The following PTPRQ variants were observed in gnomAD, a reference collection of about 807,000 sequenced individuals.
The protein encoded by PTPRQ is protein tyrosine phosphatase receptor type Q.
Under a neutral mutation model 246.0 loss-of-function variants are expected in PTPRQ, and 199 were observed. The ratio of observed to expected loss-of-function variants is 0.81; its 90% CI spans 0.72 to 0.91. PTPRQ has a LOEUF of 0.91. Among genes scored for constraint, PTPRQ ranks in the 40% least tolerant of loss-of-function variants. The pLI is 0.00. For missense variants in PTPRQ, 2,624 were observed against 2,528.4 expected (o/e 1.04, Z -0.81); for synonymous variants, 869 against 853.2 (o/e 1.02, Z -0.32).
chr12:80,530,446 T>C (rs1181312176), intron 17 of PTPRQ, among the ~76,000 whole-genome samples: 2 of 152,220 alleles, frequency 1.3e-5, no homozygotes, highest in African/African-American at 2.4e-5. Flanking sequence ...TTGTTGAATA[T>C]TGATTTTGTA....
chr12:80,613,920 A>G lies in PTPRQ; in HGVS notation c.5163+84A>G, dbSNP rs7961082. ...CATTTAAAAATATTGCAGTTTGTGT[A>G]CACATGACATTTCCCATATCTTTTT... On this transcript the variant is annotated intron_variant, in intron 29 of 44. Transcript: ENST00000644991. The G allele has an allele frequency of 0.031, 42,670 of 1,361,420 alleles. 2,148 individuals are homozygous for G. Among genetic ancestry groups the G allele is most frequent in the African/African-American group, 0.23 (15,147 of 66,034 alleles). 84.3% of individuals were successfully genotyped at this position (1,361,420 alleles called of 1,614,324 possible).
intron 35 of PTPRQ, among the ~76,000 whole-genome samples, chr12:80,641,875 C>T (rs12320087): frequency 0.085 from 12,960 of 151,784 alleles, 740 homozygotes; most frequent in South Asian, 0.18. Flanking sequence ...CTCTCTCTCT[C>T]TCTCTCTTGC....
chr12:80,581,081 G>A (rs373228561), intron 25 of PTPRQ, among the ~76,000 whole-genome samples: 51 of 152,230 alleles, frequency 3.4e-4, no homozygotes, highest in Non-Finnish European at 2.6e-4. Flanking sequence ...GTTGATCATA[G>A]AGGCATGGGC....
intron 6 of PTPRQ, among the ~76,000 whole-genome samples, chr12:80,465,840 T>C (rs948108776): frequency 3.3e-5 from 5 of 152,182 alleles, no homozygotes; most frequent in African/African-American, 1.2e-4. Flanking sequence ...AAATTAGGAA[T>C]TGGTGGGACG....
intron 10 of PTPRQ, 111 bp downstream of exon 10, chr12:80,493,566 G>A (rs1894518388): frequency 1.5e-6 from 2 of 1,363,840 alleles, no homozygotes; most frequent in African/African-American, 1.5e-5. Flanking sequence ...TCTTTGGGCT[G>A]GAGTCGGATT....
At chr12:80,477,094 G>T (rs2120566543) in intron 8 of PTPRQ, among the ~76,000 whole-genome samples, 1 of 152,250 alleles carries the variant, frequency 6.6e-6, no homozygotes, top group South Asian at 2.1e-4. Context: ...TTTACAACTA[G>T]AACTTGCTTT....
intron 33 of PTPRQ, among the ~76,000 whole-genome samples, chr12:80,627,863 C>T (rs1362972875): frequency 2.6e-5 from 4 of 152,092 alleles, no homozygotes; most frequent in Non-Finnish European, 5.9e-5. Context: ...CCATGCATAA[C>T]AGTGAATCAG....
At chr12:80,494,163 TTC>T (rs1282836840) in intron 10 of PTPRQ, among the ~76,000 whole-genome samples, 1 of 152,026 alleles carries the variant, frequency 6.6e-6, no homozygotes. Flanking sequence ...ATGTTTATAT[TTC>T]ACTTACTGAT....
chr12:80,444,924 A>G (rs953833655), intron 2 of PTPRQ, 75 bp downstream of exon 2: 11 of 1,388,924 alleles, frequency 7.9e-6, no homozygotes, highest in Non-Finnish European at 1.0e-5. Context: ...GGAAATACTT[A>G]TACTGGCAAC....
chr12:80,498,070 G>A (rs1350004446), intron 14 of PTPRQ, among the ~76,000 whole-genome samples: 1 of 151,962 alleles, frequency 6.6e-6, no homozygotes, highest in South Asian at 2.1e-4. Flanking sequence ...AGTAATGAAA[G>A]GAGCATTTTA....
At chr12:80,571,135 T>C (rs1897134976) in intron 25 of PTPRQ, among the ~76,000 whole-genome samples, 2 of 152,174 alleles carry the variant, frequency 1.3e-5, no homozygotes, top group Admixed American at 1.3e-4. Flanking sequence ...CAATGGTAGC[T>C]TCAAGGGGGA....
At chr12:80,554,903 C>A (rs1896599994) in intron 25 of PTPRQ, among the ~76,000 whole-genome samples, 1 of 151,962 alleles carries the variant, frequency 6.6e-6, no homozygotes, top group Non-Finnish European at 1.5e-5. Flanking sequence ...CCACCATGAC[C>A]AGCTTATTTT....
intron 29 of PTPRQ, among the ~76,000 whole-genome samples, chr12:80,615,219 A>G (rs1405379465): frequency 1.3e-5 from 2 of 150,936 alleles, no homozygotes; most frequent in African/African-American, 4.8e-5. Context: ...GAATTTACAA[A>G]CTCAAATATT....
intron 9 of PTPRQ, among the ~76,000 whole-genome samples, chr12:80,485,610 G>T (rs778440506): frequency 6.6e-6 from 1 of 152,132 alleles, no homozygotes; most frequent in African/African-American, 2.4e-5. Context: ...ACTCCAAGTT[G>T]CTCACCATCT....
At chr12:80,626,517 T>G (rs1182128805) in intron 33 of PTPRQ, among the ~76,000 whole-genome samples, 1 of 152,224 alleles carries the variant, frequency 6.6e-6, no homozygotes, top group Admixed American at 6.5e-5. Context: ...TCATGCATCT[T>G]CACTGCAACT....
chr12:80,652,343 T>G (rs1334271890), intron 37 of PTPRQ, among the ~76,000 whole-genome samples: 1 of 152,216 alleles, frequency 6.6e-6, no homozygotes, highest in Middle Eastern at 3.4e-3. Flanking sequence ...AGGCATGAAA[T>G]CACACTGCCT....
chr12:80,645,150 C>T (rs572065619), intron 35 of PTPRQ, among the ~76,000 whole-genome samples: 1 of 152,150 alleles, frequency 6.6e-6, no homozygotes, highest in South Asian at 2.1e-4. Context: ...AAATCAGATT[C>T]CACCTCTCTT....
At chr12:80,625,091 A>G (rs1389079603) in intron 33 of PTPRQ, among the ~76,000 whole-genome samples, 1 of 152,178 alleles carries the variant, frequency 6.6e-6, no homozygotes, top group Non-Finnish European at 1.5e-5. Flanking sequence ...AAAGAAAACA[A>G]AGTTGATCAA....
intron 5 of PTPRQ, among the ~76,000 whole-genome samples, chr12:80,459,981 G>T (rs1893103169): frequency 6.6e-6 from 1 of 152,182 alleles, no homozygotes; most frequent in Non-Finnish European, 1.5e-5. Context: ...CTTTGGTAAA[G>T]AATTTGTCGT....
Sources: allele counts gnomAD v4.1 joint callset (sites outside exome capture counted in the v4.1 genomes callset), GRCh38; gene constraint gnomAD v4.1.1; transcripts MANE v1.5; gene names NCBI Gene and HGNC (gene_info 2026-07-23, HGNC 2026-07-21).